CTTNBP2: variants seen among roughly 807,000 people sequenced by gnomAD.
CTTNBP2 encodes the protein cortactin binding protein 2.
CTTNBP2 carries 108 observed loss-of-function variants against 156.9 expected under a neutral mutation model. That is an observed-to-expected ratio of 0.69 (90% CI 0.59 to 0.81). The LOEUF is 0.81. CTTNBP2 is among the 30% of genes least tolerant of loss of function. CTTNBP2 has a pLI of 0.00. For missense variants in CTTNBP2, 1,924 were observed against 2,035.4 expected, an observed-to-expected ratio of 0.95 and a Z score of 1.05; for synonymous variants, 767 against 751.8, an observed-to-expected ratio of 1.02 and a Z score of -0.33.
chr7:117,723,024 G>C (rs1441773132), intron 19 of CTTNBP2, among the ~76,000 whole-genome samples: 3 of 152,152 alleles, frequency 2.0e-5, no homozygotes, highest in Admixed American at 6.5e-5. Flanking sequence ...CCTTGCTACA[G>C]AAAGTCATCT....
chr7:117,736,441 A>G (rs1028384674), intron 14 of CTTNBP2, among the ~76,000 whole-genome samples: 2 of 132,900 alleles, frequency 1.5e-5, no homozygotes, highest in African/African-American at 7.4e-5. Context: ...CTGTGTCTAG[A>G]AAAAAAAAAA....
At chr7:117,849,334 C>T (rs950494803) in intron 2 of CTTNBP2, among the ~76,000 whole-genome samples, 3 of 152,186 alleles carry the variant, frequency 2.0e-5, no homozygotes, top group African/African-American at 7.2e-5. Context: ...CGGAATGGAA[C>T]ACTTTGCTTT....
intron 2 of CTTNBP2, among the ~76,000 whole-genome samples, chr7:117,852,436 T>C (rs985839666): frequency 6.6e-6 from 1 of 152,102 alleles, no homozygotes; most frequent in African/African-American, 2.4e-5. Flanking sequence ...TTAGTAATTG[T>C]GTCCTTGTGT....
At chr7:117,715,720 A>G (rs1326218643) in intron 22 of CTTNBP2, 1 of 152,210 alleles carries the variant, frequency 6.6e-6, no homozygotes, top group Non-Finnish European at 1.5e-5. Context: ...ATTGTTGCAA[A>G]TAATAAAGAT....
intron 9 of CTTNBP2, among the ~76,000 whole-genome samples, chr7:117,764,813 T>C (rs1486767144): frequency 6.6e-6 from 1 of 152,250 alleles, no homozygotes; most frequent in African/African-American, 2.4e-5. Context: ...ATATGTCTCC[T>C]GATACACACA....
intron 4 of CTTNBP2, 112 bp downstream of exon 4, chr7:117,791,016 G>T: frequency 1.2e-6 from 1 of 830,926 alleles, no homozygotes; most frequent in Non-Finnish European, 1.9e-6. Flanking sequence ...ATGGGGGTGG[G>T]GGGAAGCATC....
At chr7:117,827,949 A>G (rs997352819) in intron 2 of CTTNBP2, among the ~76,000 whole-genome samples, 2 of 152,184 alleles carry the variant, frequency 1.3e-5, no homozygotes, top group African/African-American at 4.8e-5. Context: ...TACTCCCACT[A>G]TGCCCAGCCC....
intron 2 of CTTNBP2, among the ~76,000 whole-genome samples, chr7:117,833,721 G>A (rs902247100): frequency 6.6e-6 from 1 of 152,186 alleles, no homozygotes; most frequent in Non-Finnish European, 1.5e-5. Context: ...AGGCTGGGCT[G>A]AGAGCTACAA....
chr7:117,864,643 CATATATCTAGATGTATGAAT>C (rs1803989858), intron 1 of CTTNBP2, among the ~76,000 whole-genome samples: 1 of 147,270 alleles, frequency 6.8e-6, no homozygotes, highest in Non-Finnish European at 1.5e-5. Context: ...TATATATATT[CATATATCTAGATGTATGAAT>C]ATATATTCAT....
chr7:117,712,346 C>T (rs1482263152), intron 22 of CTTNBP2: 1 of 152,236 alleles, frequency 6.6e-6, no homozygotes, highest in African/African-American at 2.4e-5. Flanking sequence ...TTCAGAAATC[C>T]TGTGATTACC....
At position 117,863,966 on chromosome 7, in the gene CTTNBP2, G is replaced by A. The variant is rs1227673560; in HGVS notation, c.82-2650C>T. 4.6e-5 allele frequency among the ~76,000 whole-genome samples: 7 copies of A among 152,086 alleles called. 1 individual carries two copies. Among genetic ancestry groups the A allele is most frequent in the Admixed American group, 2.6e-4 (4 of 15,292 alleles). On this transcript the variant is annotated intron_variant, in intron 1 of 22. Transcript: ENST00000160373. Reference sequence around the variant, plus strand: ...GTAATGCTTTATTAATGATGCTGCTGGTTGCTCTAAAGATTTTAATTAATT... The same window carrying A: ...GTAATGCTTTATTAATGATGCTGCTAGTTGCTCTAAAGATTTTAATTAATT...
intron 2 of CTTNBP2, among the ~76,000 whole-genome samples, chr7:117,847,150 G>A (rs1308258657): frequency 1.3e-5 from 2 of 151,884 alleles, no homozygotes; most frequent in East Asian, 3.9e-4. Context: ...AATCATTTCA[G>A]GGGCATCCAG....
Position 117,779,168 on chromosome 7 carries a change from T to C in CTTNBP2, c.2523+1273A>G, listed in dbSNP as rs550605474. 6.6e-5 allele frequency among the ~76,000 whole-genome samples: 10 copies of C among 152,320 alleles called. No individual in the cohort carries two copies. In the East Asian group the frequency reaches 1.9e-3, roughly 29 times the overall value. ...CAATCAGCTCCATTCAGGCGTGTTC[T>C]TCACTGGGTTGTGGACACCTTTACT... On this transcript the variant is annotated intron_variant, in intron 7 of 22. Coordinates refer to ENST00000160373, the MANE Select transcript of CTTNBP2 (RefSeq NM_033427.3).
At chr7:117,753,685 A>G (rs927533475) in intron 12 of CTTNBP2, among the ~76,000 whole-genome samples, 1 of 152,152 alleles carries the variant, frequency 6.6e-6, no homozygotes, top group African/African-American at 2.4e-5. Flanking sequence ...GTTCTCACTT[A>G]TAAGTGGGAG....
At chr7:117,843,751 G>A (rs772018227) in intron 2 of CTTNBP2, among the ~76,000 whole-genome samples, 2 of 152,120 alleles carry the variant, frequency 1.3e-5, no homozygotes, top group Admixed American at 6.5e-5. Context: ...AACAGAAACC[G>A]GAGTGGGGCA....
At chr7:117,724,422 A>C (rs1794971076) in intron 19 of CTTNBP2, 125 bp downstream of exon 19, 8 of 802,558 alleles carry the variant, frequency 1.0e-5, no homozygotes, top group Non-Finnish European at 1.5e-5. Context: ...GAAAATGTGC[A>C]TTAAAATACT....
intron 2 of CTTNBP2, among the ~76,000 whole-genome samples, chr7:117,822,315 C>A (rs7783687): frequency 0.51 from 78,017 of 151,646 alleles, 20,660 homozygotes; most frequent in East Asian, 0.71. Flanking sequence ...TTTTGTTGAT[C>A]TTTTCAATGA....
chr7:117,725,411 A>T (rs1036240826), intron 17 of CTTNBP2, among the ~76,000 whole-genome samples, 154 bp from the exon 18 acceptor site: 3 of 152,218 alleles, frequency 2.0e-5, no homozygotes, highest in Non-Finnish European at 4.4e-5. Context: ...AAGAAGTGAA[A>T]TTACCCAATA....
At position 117,782,848 on chromosome 7, in the gene CTTNBP2, T is replaced by G; in HGVS notation, c.2372+14A>C. On this transcript the variant is annotated intron_variant, in intron 6 of 22. Coordinates refer to ENST00000160373, the MANE Select transcript of CTTNBP2 (RefSeq NM_033427.3). ...CCTTTGATGGTGGGAAAAAAAGAATTAAGAGCAACTTACTCGAAATGTCCC... is the reference window on the plus strand; with the variant it reads ...CCTTTGATGGTGGGAAAAAAAGAATGAAGAGCAACTTACTCGAAATGTCCC... The G allele has an allele frequency of 1.3e-6, 2 of 1,594,060 alleles. No homozygotes were observed. The highest frequency in any genetic ancestry group is 1.7e-6 in the Non-Finnish European group (2 of 1,166,866).
Sources: gnomAD v4.1 joint callset for allele counts (sites outside exome capture counted in the v4.1 genomes callset) on GRCh38, gnomAD v4.1.1 for gene constraint, MANE v1.5 for transcripts, NCBI Gene and HGNC (gene_info 2026-07-23, HGNC 2026-07-21) for gene names.